PIEZO2: variants seen among roughly 807,000 people sequenced by gnomAD.
PIEZO2 encodes the protein piezo type mechanosensitive ion channel component 2.
PIEZO2 carries 172 observed loss-of-function variants against 337.3 expected under a neutral mutation model. The observed-to-expected ratio is 0.51, with a 90% CI of 0.45 to 0.58. The LOEUF is 0.58. Ranked by LOEUF, PIEZO2 falls within the 20% of genes least tolerant of loss-of-function variation. The pLI, the probability that PIEZO2 is intolerant of heterozygous loss-of-function variation, is 0.00. For missense variants in PIEZO2, 3,028 were observed against 3,391.3 expected, an observed-to-expected ratio of 0.89 and a Z score of 2.66; for synonymous variants, 1,251 against 1,228.5, an observed-to-expected ratio of 1.02 and a Z score of -0.38.
intron 21 of PIEZO2, among the ~76,000 whole-genome samples, chr18:10,764,281 T>C (rs1310221603): frequency 6.6e-6 from 1 of 152,204 alleles, no homozygotes; most frequent in Non-Finnish European, 1.5e-5. Context: ...ACTAAACATG[T>C]ACCAAGCATT....
chr18:11,087,072 G>A (rs2038939119), intron 1 of PIEZO2, among the ~76,000 whole-genome samples: 2 of 152,032 alleles, frequency 1.3e-5, no homozygotes, highest in Non-Finnish European at 2.9e-5. Flanking sequence ...CTTGTGAGTG[G>A]GATACGTGCC....
chr18:11,022,945 G>A (rs998220686), intron 2 of PIEZO2, among the ~76,000 whole-genome samples: 1 of 152,098 alleles, frequency 6.6e-6, no homozygotes, highest in Admixed American at 6.5e-5. Flanking sequence ...GCTGGCTCAG[G>A]AGTGAAGCTG....
intron 47 of PIEZO2, among the ~76,000 whole-genome samples, chr18:10,694,590 G>A (rs2035001003): frequency 6.6e-6 from 1 of 152,146 alleles, no homozygotes; most frequent in South Asian, 2.1e-4. Context: ...TAGCACTTTG[G>A]GAGGCCCAGG....
At chr18:10,986,850 T>G (rs1217354396) in intron 2 of PIEZO2, among the ~76,000 whole-genome samples, 3 of 151,984 alleles carry the variant, frequency 2.0e-5, no homozygotes, top group Non-Finnish European at 4.4e-5. Context: ...CTATTAGAAC[T>G]AATAAACTCA....
intron 2 of PIEZO2, among the ~76,000 whole-genome samples, chr18:11,011,184 T>A (rs935790023): frequency 3.9e-5 from 6 of 152,270 alleles, no homozygotes; most frequent in Non-Finnish European, 7.3e-5. Flanking sequence ...TATTTTAGTT[T>A]TCAGATAAAA....
chr18:10,773,350 T>C lies in PIEZO2; in HGVS notation c.2785+62A>G. On this transcript the variant is annotated intron_variant, in intron 20 of 55. Transcript: ENST00000674853. This position sits in a 1 kb window ranked among gnomAD's most constrained non-coding sequence, Gnocchi z 5.3. ...TATATTCTTTTGGAGCAAGTCAATG[T>C]TTCCTTCACTCAGTCTGACAGCCAG... 6.8e-7 allele frequency: 1 copy of C among 1,460,104 alleles called. No homozygotes were observed. The highest frequency in any genetic ancestry group is 1.4e-5 in the African/African-American group (1 of 71,444). The allele number at this position is 1,460,104 out of a possible 1,614,324, so 90.4% of individuals were successfully genotyped here. A position where few individuals can be genotyped will look rare whatever the true frequency, so the allele number is the denominator to read the frequency against.
rs16975659 is a variant in PIEZO2 at position 11,028,131 on chromosome 18, G to C, written c.160+37996C>G. ...TCTGATTTACATGGTGTGGCACCAC[G>C]AGCTGCAAGTTCTACAAACTGTAAC... is the stretch of plus-strand genomic sequence containing the variant. On this transcript the variant is annotated intron_variant, in intron 2 of 55. Coordinates refer to ENST00000674853, the MANE Select transcript of PIEZO2 (RefSeq NM_001378183.1). The surrounding 1 kb of genome is among the most constrained non-coding windows in gnomAD (Gnocchi z 4.8). Among the ~76,000 whole-genome samples the C allele has an allele frequency of 6.6e-6, 1 of 152,130 alleles. No homozygotes were observed. The highest frequency in any genetic ancestry group is 6.5e-5 in the Admixed American group (1 of 15,286).
intron 3 of PIEZO2, among the ~76,000 whole-genome samples, chr18:10,956,802 T>C (rs761373601): frequency 2.6e-5 from 4 of 151,494 alleles, no homozygotes; most frequent in Admixed American, 2.0e-4. Context: ...ACCCTGTCTC[T>C]ACTAAAAATA....
At position 11,105,450 on chromosome 18, in the gene PIEZO2, A is replaced by G. The variant is rs1159230046; in HGVS notation, c.65-39228T>C. 6.6e-6 allele frequency among the ~76,000 whole-genome samples: 1 copy of G among 152,150 alleles called. No individual in the cohort carries two copies. The highest frequency in any genetic ancestry group is 2.4e-5 in the African/African-American group (1 of 41,430). On this transcript the variant is annotated intron_variant, in intron 1 of 55. Transcript: ENST00000674853. This position sits in a 1 kb window ranked among gnomAD's most constrained non-coding sequence, Gnocchi z 4.3. ...TCCAGCACCTCACATCTTCATCCTC[A>G]CGACACACTTCCACACTTCAAACTA...
chr18:10,770,368 C>A (rs192782512), intron 20 of PIEZO2, 60 bp from the exon 21 acceptor site: 21 of 1,443,784 alleles, frequency 1.5e-5, no homozygotes, highest in Non-Finnish European at 1.8e-5. Flanking sequence ...TCATTTAAAG[C>A]ATATCTTGTA....
chr18:10,992,334 G>A (rs751643712), intron 2 of PIEZO2, among the ~76,000 whole-genome samples: 86 of 152,116 alleles, frequency 5.7e-4, no homozygotes, highest in Admixed American at 7.2e-4. Flanking sequence ...GCACTGCCTA[G>A]GTTTTCTTCT....
At chr18:10,971,819 G>A (rs565266554) in intron 3 of PIEZO2, among the ~76,000 whole-genome samples, 2 of 152,030 alleles carry the variant, frequency 1.3e-5, no homozygotes, top group Non-Finnish European at 2.9e-5. Context: ...ATGTATGAAG[G>A]TGCAGGGTGT....
intron 33 of PIEZO2, 112 bp from the exon 34 acceptor site, chr18:10,736,822 C>A (rs73389006): frequency 8.3e-7 from 1 of 1,206,462 alleles, no homozygotes; most frequent in East Asian, 2.6e-5. Context: ...AGAACCACAA[C>A]GAAAGATGTT....
At chr18:10,891,986 G>A (rs975692241) in intron 4 of PIEZO2, among the ~76,000 whole-genome samples, 5 of 152,054 alleles carry the variant, frequency 3.3e-5, no homozygotes, top group Admixed American at 6.6e-5. Flanking sequence ...AAATGGGTCC[G>A]GTAAACATTT....
At chr18:11,089,803 A>T (rs1317068000) in intron 1 of PIEZO2, among the ~76,000 whole-genome samples, 1 of 152,232 alleles carries the variant, frequency 6.6e-6, no homozygotes, top group East Asian at 1.9e-4. Context: ...AGTACAAGTC[A>T]AATACAAACC....
At chr18:10,692,926 C>T (rs913302271) in intron 47 of PIEZO2, among the ~76,000 whole-genome samples, 5 of 152,184 alleles carry the variant, frequency 3.3e-5, no homozygotes, top group Admixed American at 6.5e-5. Context: ...TGATGTGCAC[C>T]GTGGTCAATC....
chr18:10,940,873 G>C lies in PIEZO2; in HGVS notation c.287-29645C>G, dbSNP rs763740624. ...AAGGCTCCATCTCAAAAAAAAAAAA[G>C]AATTCAGTCTGAGATATATTTTCAT... On this transcript the variant is annotated intron_variant, in intron 3 of 55. Transcript: ENST00000674853. This position sits in a 1 kb window ranked among gnomAD's most constrained non-coding sequence, Gnocchi z 5.3. Among the ~76,000 whole-genome samples, 2 of 151,318 alleles carry C rather than the reference G, an allele frequency of 1.3e-5. No homozygotes were observed. Among genetic ancestry groups the C allele is most frequent in the African/African-American group, 2.4e-5 (1 of 41,146 alleles).
chr18:11,107,736 A>T (rs1568379611), intron 1 of PIEZO2, among the ~76,000 whole-genome samples: 1 of 152,214 alleles, frequency 6.6e-6, no homozygotes, highest in African/African-American at 2.4e-5. Context: ...TCTTTTAATA[A>T]ATCATAAGGT....
intron 1 of PIEZO2, among the ~76,000 whole-genome samples, chr18:11,082,920 A>G (rs558057652): frequency 7.2e-5 from 11 of 152,320 alleles, no homozygotes; most frequent in East Asian, 3.9e-4. Flanking sequence ...ATTTGATTCT[A>G]TCATATTATA....
Sources: allele counts gnomAD v4.1 joint callset (sites outside exome capture counted in the v4.1 genomes callset), GRCh38; gene constraint gnomAD v4.1.1; non-coding constraint Gnocchi (gnomAD v3.1); transcripts MANE v1.5; gene names NCBI Gene and HGNC (gene_info 2026-07-23, HGNC 2026-07-21).